The following VAT1L variants were observed in gnomAD, a reference collection of about 807,000 sequenced individuals.
The protein encoded by VAT1L is putative NADPH-dependent quinone oxidoreductase VAT1L.
In VAT1L, 34 loss-of-function variants were observed where a neutral mutation model predicts 44.1. The ratio of observed to expected loss-of-function variants is 0.77; its 90% confidence interval spans 0.59 to 1.03. The LOEUF (loss-of-function observed/expected upper bound fraction) is 1.03. VAT1L is among the 50% of genes least tolerant of loss of function. The pLI, the probability that VAT1L is intolerant of heterozygous loss-of-function variation, is 0.00. For missense variants in VAT1L, 615 were observed against 538.8 expected, an observed-to-expected ratio of 1.14 and a Z score of -1.40; for synonymous variants, 253 against 202.2, an observed-to-expected ratio of 1.25 and a Z score of -2.13.
intron 3 of VAT1L, among the ~76,000 whole-genome samples, chr16:77,834,814 G>C (rs961563157): frequency 6.6e-6 from 1 of 152,116 alleles, no homozygotes; most frequent in African/African-American, 2.4e-5. Context: ...TTAATGGCCT[G>C]GGCCCTGGAG....
intron 1 of VAT1L, among the ~76,000 whole-genome samples, chr16:77,805,303 C>G (rs2145220046): frequency 6.6e-6 from 1 of 152,142 alleles, no homozygotes; most frequent in East Asian, 1.9e-4. Context: ...GATAACAAAA[C>G]TGGCACTTGA....
At chr16:77,944,917 C>CCA (rs147570645) in intron 7 of VAT1L, among the ~76,000 whole-genome samples, 81 of 151,416 alleles carry the variant, frequency 5.3e-4, no homozygotes, top group Admixed American at 4.1e-3. Context: ...CTGCCCCCCG[C>CCA]CACACACACA....
chr16:77,939,051 C>G (rs1459042007), intron 7 of VAT1L, among the ~76,000 whole-genome samples: 4 of 152,252 alleles, frequency 2.6e-5, no homozygotes, highest in African/African-American at 7.2e-5. Flanking sequence ...GGGCTTCCCA[C>G]TTCTACCTGC....
intron 1 of VAT1L, among the ~76,000 whole-genome samples, chr16:77,793,200 C>T (rs1022488451): frequency 6.6e-6 from 1 of 152,164 alleles, no homozygotes; most frequent in African/African-American, 2.4e-5. Context: ...CCACCTTGAT[C>T]TCCCTGGCTC....
intron 1 of VAT1L, among the ~76,000 whole-genome samples, chr16:77,813,792 A>G (rs370418049): frequency 7.9e-5 from 12 of 152,260 alleles, no homozygotes; most frequent in African/African-American, 2.9e-4. Context: ...GGACCAGCTC[A>G]TTTATTCAGT....
At chr16:77,837,154 G>T (rs2016648467) in intron 3 of VAT1L, among the ~76,000 whole-genome samples, 1 of 152,188 alleles carries the variant, frequency 6.6e-6, no homozygotes, top group Non-Finnish European at 1.5e-5. Flanking sequence ...GAGTGAGATG[G>T]AAGGGATTTC....
chr16:77,965,026 G>C (rs1247743868), intron 7 of VAT1L, among the ~76,000 whole-genome samples: 3 of 151,956 alleles, frequency 2.0e-5, no homozygotes, highest in African/African-American at 7.3e-5. Flanking sequence ...CCGACCTCAG[G>C]TGATTCGCCC....
chr16:77,956,246 A>C (rs1430942595), intron 7 of VAT1L, among the ~76,000 whole-genome samples: 1 of 152,192 alleles, frequency 6.6e-6, no homozygotes, highest in Admixed American at 6.5e-5. Flanking sequence ...AAAATTTTTA[A>C]TTAAAAAGAA....
At chr16:77,853,439 G>T (rs1392342342) in intron 3 of VAT1L, among the ~76,000 whole-genome samples, 2 of 152,208 alleles carry the variant, frequency 1.3e-5, no homozygotes, top group Non-Finnish European at 1.5e-5. Context: ...TCCAGGGAAT[G>T]TATAATTATA....
chr16:77,796,896 G>A (rs1179777511), intron 1 of VAT1L, among the ~76,000 whole-genome samples: 1 of 152,164 alleles, frequency 6.6e-6, no homozygotes, highest in African/African-American at 2.4e-5. Flanking sequence ...TCCAATCTGG[G>A]ACGTTCTCAC....
At chr16:77,857,358 C>A (rs117027746) in intron 3 of VAT1L, among the ~76,000 whole-genome samples, 1 of 152,094 alleles carries the variant, frequency 6.6e-6, no homozygotes, top group African/African-American at 2.4e-5. Context: ...GCATTCACCT[C>A]GGGAGTTGGA....
chr16:77,799,046 T>C (rs1347282525), intron 1 of VAT1L, among the ~76,000 whole-genome samples: 2 of 150,790 alleles, frequency 1.3e-5, no homozygotes, highest in Admixed American at 1.3e-4. Context: ...CTGGAAAAGG[T>C]GGTGGTCATT....
intron 7 of VAT1L, among the ~76,000 whole-genome samples, chr16:77,938,470 G>A (rs944827585): frequency 6.6e-6 from 1 of 152,198 alleles, no homozygotes; most frequent in African/African-American, 2.4e-5. Flanking sequence ...TGGAGGAGGG[G>A]CTGGGTGGGA....
chr16:77,893,218 G>C lies in VAT1L; in HGVS notation c.1077+8416G>C, dbSNP rs564181224. On this transcript the variant is annotated intron_variant, in intron 7 of 8. Coordinates refer to ENST00000302536, the MANE Select transcript of VAT1L (RefSeq NM_020927.3). ...AACTGGTGGCAGCTGGTCTGGCTGG[G>C]AGGCTGTGGCAATTTTGGGGGCATG... is the stretch of plus-strand genomic sequence containing the variant. Among the ~76,000 whole-genome samples the C allele has an allele frequency of 1.5e-4, 23 of 152,314 alleles. No homozygotes were observed. In the South Asian group the frequency reaches 4.3e-3, roughly 29 times the overall value.
chr16:77,874,519 C>T (rs1421927416), intron 4 of VAT1L, among the ~76,000 whole-genome samples: 1 of 152,096 alleles, frequency 6.6e-6, no homozygotes, highest in Non-Finnish European at 1.5e-5. Context: ...GGCTGCTTCC[C>T]AGTCTTCCTC....
intron 7 of VAT1L, among the ~76,000 whole-genome samples, chr16:77,935,502 A>AG (rs1391361797): frequency 7.1e-6 from 1 of 139,876 alleles, no homozygotes. Context: ...CGGTTTATAA[A>AG]AAAAAAAAAA....
intron 3 of VAT1L, among the ~76,000 whole-genome samples, chr16:77,854,261 C>T (rs7198177): frequency 0.35 from 52,622 of 152,132 alleles, 9,391 homozygotes; most frequent in Admixed American, 0.4. Context: ...TTGAAATTCT[C>T]GGCACCTGTG....
intron 7 of VAT1L, among the ~76,000 whole-genome samples, chr16:77,932,321 G>A (rs2017741939): frequency 6.6e-6 from 1 of 151,822 alleles, no homozygotes; most frequent in Admixed American, 6.6e-5. Flanking sequence ...TAGCCAGGAT[G>A]GTGTCCATCT....
intron 7 of VAT1L, among the ~76,000 whole-genome samples, chr16:77,958,364 C>T (rs2018126068): frequency 6.6e-6 from 1 of 152,210 alleles, no homozygotes; most frequent in Non-Finnish European, 1.5e-5. Flanking sequence ...CTCTCTTACA[C>T]ACTGCGCAAC....
Sources: allele counts gnomAD v4.1 joint callset (sites outside exome capture counted in the v4.1 genomes callset), GRCh38; gene constraint gnomAD v4.1.1; transcripts MANE v1.5; gene names NCBI Gene and HGNC (gene_info 2026-07-23, HGNC 2026-07-21).